CAPS2: variants seen among roughly 807,000 people sequenced by gnomAD.
CAPS2 encodes calcyphosine 2.
CAPS2 carries 98 observed loss-of-function variants against 86.5 expected under a neutral mutation model. The observed-to-expected ratio is 1.13, with a 90% confidence interval of 0.96 to 1.34. The LOEUF is 1.34. CAPS2 is among the 40% of genes most tolerant of loss of function. The pLI is 0.00. For synonymous variants in CAPS2, 210 were observed against 225.1 expected (o/e 0.93, Z 0.60); for missense variants, 729 against 686.8 (o/e 1.06, Z -0.69).
intron 1 of CAPS2, among the ~76,000 whole-genome samples, chr12:75,340,660 G>C (rs1235169467): frequency 6.6e-6 from 1 of 150,448 alleles, no homozygotes; most frequent in African/African-American, 2.4e-5. Flanking sequence ...TACAAACTAG[G>C]AGAAAATATA....
chr12:75,364,025 T>C (rs1329218621), intron 1 of CAPS2, among the ~76,000 whole-genome samples: 5 of 152,120 alleles, frequency 3.3e-5, no homozygotes, highest in Admixed American at 2.6e-4. Context: ...AATACCTCGG[T>C]TAAGATAAGG....
exon 17 of CAPS2, chr12:75,278,793 T>C: frequency 7.4e-7 from 1 of 1,350,990 alleles, no homozygotes; most frequent in Non-Finnish European, 9.5e-7. Flanking sequence ...ATAAAGGAAG[T>C]CCTAGGAAAA....
At position 75,345,907 on chromosome 12, in the gene CAPS2, T is replaced by C. The variant is rs547406711; in HGVS notation, c.-394-22685A>G. 3.9e-5 allele frequency among the ~76,000 whole-genome samples: 6 copies of C among 152,346 alleles called. No individual in the cohort carries two copies. In the South Asian group the frequency reaches 1.0e-3, roughly 26 times the overall value. On this transcript the variant is annotated intron_variant, in intron 1 of 5. Coordinates refer to the CAPS2 transcript ENST00000551829. ...ATCAGAAAGGGGAGCTTACTCTTTA[T>C]TGGCTAGTTTACACACAAGGTTAAG... is the stretch of plus-strand genomic sequence containing the variant.
chr12:75,311,716 A>C (rs1359686262), intron 7 of CAPS2, among the ~76,000 whole-genome samples: 3 of 29,170 alleles, frequency 1.0e-4, no homozygotes, highest in Non-Finnish European at 2.5e-4. Context: ...AAAAAACAAA[A>C]AAAAAAACAA....
chr12:75,333,533 G>A (rs1262374754), upstream of CAPS2, among the ~76,000 whole-genome samples: 1 of 152,150 alleles, frequency 6.6e-6, no homozygotes, highest in African/African-American at 2.4e-5. Flanking sequence ...TGATATGAAA[G>A]TAGTATATAC....
At chr12:75,355,803 A>G (rs2043120109) in intron 1 of CAPS2, among the ~76,000 whole-genome samples, 1 of 152,242 alleles carries the variant, frequency 6.6e-6, no homozygotes, top group East Asian at 1.9e-4. Context: ...AGCCATAAAA[A>G]GGAATGAGAT....
upstream of CAPS2, chr12:75,329,771 T>A: frequency 7.1e-7 from 1 of 1,400,144 alleles, no homozygotes; most frequent in Admixed American, 2.4e-5. Flanking sequence ...CAAAACAGGG[T>A]AATATCTCCT....
intron 1 of CAPS2, chr12:75,366,959 G>C (rs756997907): frequency 1.4e-6 from 1 of 701,624 alleles, no homozygotes; most frequent in African/African-American, 1.7e-5. Flanking sequence ...AGTCACCCAA[G>C]GGGCAGCTTG....
intron 1 of CAPS2, among the ~76,000 whole-genome samples, chr12:75,385,067 T>C (rs1239275414): frequency 1.3e-5 from 2 of 152,184 alleles, no homozygotes; most frequent in African/African-American, 4.8e-5. Flanking sequence ...GGACCAGAGC[T>C]AGCATGCCCA....
At chr12:75,322,080 T>C (rs2040357482) in intron 4 of CAPS2, among the ~76,000 whole-genome samples, 1 of 152,148 alleles carries the variant, frequency 6.6e-6, no homozygotes, top group African/African-American at 2.4e-5. Flanking sequence ...AATAAACAAA[T>C]GTCCTCATTT....
chr12:75,349,731 A>G (rs1160318307), intron 1 of CAPS2, among the ~76,000 whole-genome samples: 1 of 152,212 alleles, frequency 6.6e-6, no homozygotes, highest in Admixed American at 6.5e-5. Context: ...AAATCATAAC[A>G]TTAGAAATTA....
At chr12:75,333,844 T>A (rs1054663858), upstream of CAPS2, 9 of 152,044 alleles carry the variant, frequency 5.9e-5, no homozygotes, top group African/African-American at 1.2e-4. Flanking sequence ...CTAAAAAAAA[T>A]TAATGTCATG....
chr12:75,278,936 T>C, exon 17 of CAPS2: 1 of 1,604,070 alleles, frequency 6.2e-7, no homozygotes, highest in East Asian at 2.2e-5. Flanking sequence ...GTCTTCATCA[T>C]CTACTATTCC....
chr12:75,298,137 T>G (rs1190910856), intron 11 of CAPS2: 1 of 153,998 alleles, frequency 6.5e-6, no homozygotes, highest in African/African-American at 2.4e-5. Context: ...AAAGTGTAAA[T>G]ATGATTTAAA....
rs1465640398 is a variant in CAPS2 at position 75,293,347 on chromosome 12, C to CA, written c.1064dup (p.Leu355PhefsTer4). 1 of 1,610,472 alleles carries CA rather than the reference C, an allele frequency of 6.2e-7. No individual in the cohort carries two copies. Among genetic ancestry groups the CA allele is most frequent in the Non-Finnish European group, 8.5e-7 (1 of 1,178,384 alleles). ...CTGGAAGGCTGAGATGATCAGAACT[C>CA]AAAAATGTCAAGGTTGCACCCTAAA... On this transcript the variant is annotated frameshift_variant, in exon 12 of 17. Transcript: ENST00000393284. LOFTEE classifies it high-confidence loss of function.
At chr12:75,382,450 G>A (rs906551278) in intron 1 of CAPS2, among the ~76,000 whole-genome samples, 1 of 152,036 alleles carries the variant, frequency 6.6e-6, no homozygotes, top group African/African-American at 2.4e-5. Flanking sequence ...GACCAGCCTG[G>A]CCAACATGGT....
chr12:75,357,608 C>A (rs1008555584), intron 1 of CAPS2, among the ~76,000 whole-genome samples: 2 of 151,972 alleles, frequency 1.3e-5, no homozygotes, highest in African/African-American at 4.8e-5. Context: ...CATGCTATGT[C>A]ATAAAACAGA....
chr12:75,343,829 G>C, intron 1 of CAPS2: 4 of 1,613,190 alleles, frequency 2.5e-6, no homozygotes, highest in Non-Finnish European at 3.4e-6. Flanking sequence ...TGGTTAGGTG[G>C]AATAAAGTCA....
rs575728954 is a variant in CAPS2 at position 75,280,482 on chromosome 12, C to T, written c.1613-1417G>A. On this transcript the variant is annotated intron_variant, in intron 16 of 16. Transcript: ENST00000393284. ...TTCCCAACAACAACAAAAATAAAAC[C>T]CTCATCAAAAATTCCATGACACATA... 7.9e-5 allele frequency among the ~76,000 whole-genome samples: 12 copies of T among 151,614 alleles called. No homozygotes were observed. In the South Asian group the frequency reaches 2.5e-3, roughly 32 times the overall value.
Sources: allele counts gnomAD v4.1 joint callset (sites outside exome capture counted in the v4.1 genomes callset), GRCh38; gene constraint gnomAD v4.1.1; transcripts MANE v1.5; gene names NCBI Gene and HGNC (gene_info 2026-07-23, HGNC 2026-07-21).